EHMT1: variants seen among roughly 807,000 people sequenced by gnomAD.
EHMT1 encodes the protein euchromatic histone lysine methyltransferase 1.
Under a neutral mutation model 147.2 loss-of-function variants are expected in EHMT1, and 15 were observed. The ratio of observed to expected loss-of-function variants is 0.10; its 90% CI spans 0.07 to 0.16. The LOEUF is 0.16. Ranked by LOEUF, EHMT1 falls within the 10% of genes least tolerant of loss-of-function variation. The pLI is 1.00. For missense variants in EHMT1, 1,587 were observed against 1,772.4 expected (o/e 0.90, Z 1.88); for synonymous variants, 795 against 709.6 (o/e 1.12, Z -1.91).
At chr9:137,725,949 A>G (rs1006379564) in intron 3 of EHMT1, among the ~76,000 whole-genome samples, 3 of 151,994 alleles carry the variant, frequency 2.0e-5, no homozygotes, top group Non-Finnish European at 4.4e-5. Context: ...TAACCTCCAC[A>G]AGCACCTCCT....
intron 25 of EHMT1, chr9:137,833,988 T>G (rs1454923519): frequency 9.9e-6 from 3 of 302,148 alleles, no homozygotes; most frequent in Admixed American, 4.6e-5. Flanking sequence ...AGCCCCGGCC[T>G]CCTTTCTCCT....
chr9:137,740,028 C>G (rs750467257), intron 4 of EHMT1, among the ~76,000 whole-genome samples: 1 of 152,186 alleles, frequency 6.6e-6, no homozygotes, highest in Non-Finnish European at 1.5e-5. Flanking sequence ...ACGCAGACTG[C>G]TGTGTTTCCC....
intron 1 of EHMT1, among the ~76,000 whole-genome samples, chr9:137,692,864 G>A (rs950329043): frequency 2.0e-5 from 3 of 152,092 alleles, no homozygotes; most frequent in Non-Finnish European, 2.9e-5. Context: ...CTTCAGAGCC[G>A]GCTGAGGAGG....
chr9:137,801,079 C>CT, intron 18 of EHMT1, 95 bp downstream of exon 18: 2 of 1,134,546 alleles, frequency 1.8e-6, no homozygotes, highest in African/African-American at 3.1e-5. Flanking sequence ...AACCCTGGCA[C>CT]CTGGTGGCGG....
At chr9:137,643,645 G>T (rs373399511) in intron 1 of EHMT1, among the ~76,000 whole-genome samples, 164 of 152,232 alleles carry the variant, frequency 1.1e-3, no homozygotes, top group African/African-American at 3.7e-3. Flanking sequence ...ACCGCGCCCG[G>T]CCGTATAAAG....
chr9:137,771,842 T>C (rs1016476667), intron 10 of EHMT1, among the ~76,000 whole-genome samples: 4 of 151,952 alleles, frequency 2.6e-5, no homozygotes, highest in African/African-American at 9.7e-5. Flanking sequence ...CTGGGATGAG[T>C]CACAGGGGAC....
Position 137,776,855 on chromosome 9 carries a change from C to T in EHMT1, c.2018+11C>T. 1.2e-6 allele frequency: 2 copies of T among 1,613,094 alleles called. No homozygotes were observed. The highest frequency in any genetic ancestry group is 1.7e-6 in the Non-Finnish European group (2 of 1,179,600). ...CACCACAACGGGCAGGTACCTGGCA[C>T]AGGCTCTGGCTGGGCTCTCCAGTCG... is the stretch of plus-strand genomic sequence containing the variant. On this transcript the variant is annotated intron_variant, in intron 12 of 26. Coordinates refer to ENST00000460843, the MANE Select transcript of EHMT1 (RefSeq NM_024757.5). This position sits in a 1 kb window ranked among gnomAD's most constrained non-coding sequence, Gnocchi z 4.4.
intron 13 of EHMT1, 71 bp downstream of exon 13, chr9:137,778,126 T>C: frequency 6.3e-7 from 1 of 1,584,476 alleles, no homozygotes; most frequent in Non-Finnish European, 8.6e-7. Context: ...TTTTTCCCCA[T>C]GGTGTCACTT....
intron 1 of EHMT1, among the ~76,000 whole-genome samples, chr9:137,687,857 CAG>C (rs1401966864): frequency 1.3e-5 from 2 of 152,218 alleles, no homozygotes; most frequent in African/African-American, 4.8e-5. Flanking sequence ...AGGATAAAGT[CAG>C]AGCACGTCAT....
At chr9:137,702,114 G>A (rs1943889681) in intron 1 of EHMT1, among the ~76,000 whole-genome samples, 1 of 152,064 alleles carries the variant, frequency 6.6e-6, no homozygotes, top group South Asian at 2.1e-4. Context: ...ATTTTTAATA[G>A]AGACAGGGTT....
chr9:137,745,659 C>T (rs762382170), intron 6 of EHMT1: 8 of 397,556 alleles, frequency 2.0e-5, no homozygotes, highest in Middle Eastern at 6.2e-4. Context: ...TCTGCACACA[C>T]GTGTCTGTCG....
chr9:137,675,965 A>G (rs1477454890), intron 1 of EHMT1: 9 of 150,482 alleles, frequency 6.0e-5, no homozygotes, highest in African/African-American at 2.2e-4. Context: ...TTGTATTTTT[A>G]GTAGAGACGG....
Position 137,782,424 on chromosome 9 carries a change from G to C in EHMT1, c.2382+27G>C. ...TGCGGCGGCACGGCGCCCTCCTAGG[G>C]CTCTTCACCTGCTCTCTTTTATTTT... On this transcript the variant is annotated intron_variant, in intron 15 of 26. Coordinates refer to ENST00000460843, the MANE Select transcript of EHMT1 (RefSeq NM_024757.5). This position sits in a 1 kb window ranked among gnomAD's most constrained non-coding sequence, Gnocchi z 5.7. 2 of 1,571,370 alleles carry C rather than the reference G, an allele frequency of 1.3e-6. No homozygotes were observed. The highest frequency in any genetic ancestry group is 1.7e-6 in the Non-Finnish European group (2 of 1,156,720).
intron 1 of EHMT1, among the ~76,000 whole-genome samples, chr9:137,706,090 C>T (rs1399609566): frequency 2.0e-5 from 2 of 98,146 alleles, no homozygotes; most frequent in East Asian, 2.8e-4. Context: ...GCATCAGGGG[C>T]GGGGCTAGGC....
At chr9:137,811,960 G>T (rs1276953378) in intron 19 of EHMT1, among the ~76,000 whole-genome samples, 2 of 152,228 alleles carry the variant, frequency 1.3e-5, no homozygotes, top group Non-Finnish European at 2.9e-5. Flanking sequence ...GAGGCTCAGG[G>T]TGCCTTCTGG....
At chr9:137,744,701 C>T (rs563038476) in intron 6 of EHMT1, among the ~76,000 whole-genome samples, 1 of 152,340 alleles carries the variant, frequency 6.6e-6, no homozygotes, top group African/African-American at 2.4e-5. Context: ...GCTGTGTGCT[C>T]GTTTGTGGTT....
At chr9:137,733,650 C>T (rs1947301236) in intron 4 of EHMT1, among the ~76,000 whole-genome samples, 1 of 152,158 alleles carries the variant, frequency 6.6e-6, no homozygotes, top group Non-Finnish European at 1.5e-5. Flanking sequence ...CAAAGAGGAC[C>T]TTGTCCCCAG....
intron 10 of EHMT1, among the ~76,000 whole-genome samples, chr9:137,773,869 G>C (rs373890609): frequency 1.8e-4 from 27 of 152,232 alleles, no homozygotes; most frequent in Middle Eastern, 3.4e-3. Flanking sequence ...CTTATTTTTG[G>C]GGGGGCTACT....
intron 1 of EHMT1, among the ~76,000 whole-genome samples, chr9:137,682,514 G>A (rs1448569461): frequency 6.6e-6 from 1 of 152,126 alleles, no homozygotes. Context: ...TCTCCCTGGC[G>A]GCCAGAGTTG....
Sources: allele counts gnomAD v4.1 joint callset (sites outside exome capture counted in the v4.1 genomes callset), GRCh38; gene constraint gnomAD v4.1.1; non-coding constraint Gnocchi (gnomAD v3.1); transcripts MANE v1.5; gene names NCBI Gene and HGNC (gene_info 2026-07-23, HGNC 2026-07-21).